The following C12orf42 variants were observed in gnomAD, a reference collection of about 807,000 sequenced individuals.
C12orf42 encodes uncharacterized protein C12orf42.
A neutral mutation model predicts 21.6 loss-of-function variants in C12orf42; 25 were observed. The observed-to-expected ratio is 1.16, with a 90% CI of 0.84 to 1.62. C12orf42 has a LOEUF of 1.62. Ranked by LOEUF, C12orf42 falls within the 40% of genes most tolerant of loss-of-function variation. The pLI is 0.00. For missense variants in C12orf42, 483 were observed against 459.3 expected (o/e 1.05, Z -0.47); for synonymous variants, 174 against 175.0 (o/e 0.99, Z 0.05).
chr12:103,264,889 T>A (rs2035086584), downstream of C12orf42, among the ~76,000 whole-genome samples: 1 of 152,140 alleles, frequency 6.6e-6, no homozygotes, highest in Admixed American at 6.5e-5. Flanking sequence ...CCTATGAGAA[T>A]GGCCCCAAGC....
chr12:103,322,987 A>G (rs889186163), intron 4 of C12orf42, among the ~76,000 whole-genome samples: 1 of 152,144 alleles, frequency 6.6e-6, no homozygotes, highest in African/African-American at 2.4e-5. Flanking sequence ...GTTCCATTCT[A>G]TTTGTTCCAT....
the C12orf42 span, among the ~76,000 whole-genome samples, chr12:103,524,532 C>G: frequency 2.0e-5 from 3 of 152,200 alleles, no homozygotes; most frequent in African/African-American, 7.2e-5. Context: ...TCTAAAATAT[C>G]ACCAGGGAAC....
intron 10 of C12orf42, among the ~76,000 whole-genome samples, chr12:103,256,497 C>G (rs905015034): frequency 1.7e-4 from 26 of 151,332 alleles, no homozygotes; most frequent in African/African-American, 6.3e-4. Context: ...TCAAATGGTG[C>G]CATGTCTAAA....
At chr12:103,331,750 A>G (rs2041256390) in intron 4 of C12orf42, among the ~76,000 whole-genome samples, 4 of 152,184 alleles carry the variant, frequency 2.6e-5, no homozygotes, top group Admixed American at 2.6e-4. Context: ...CGGACACAGG[A>G]CACCTCTCAG....
intron 4 of C12orf42, among the ~76,000 whole-genome samples, chr12:103,345,590 T>C (rs936080981): frequency 2.2e-4 from 33 of 152,204 alleles, no homozygotes; most frequent in Admixed American, 5.2e-4. Flanking sequence ...ATTTTGCTGA[T>C]ATTCCTATTA....
At chr12:103,240,265 A>G (rs1009139980) in intron 10 of C12orf42, among the ~76,000 whole-genome samples, 1 of 152,202 alleles carries the variant, frequency 6.6e-6, no homozygotes, top group Non-Finnish European at 1.5e-5. Context: ...TATAGTCCAG[A>G]CATCAAGCGA....
At chr12:103,508,207 C>CA in the C12orf42 span, among the ~76,000 whole-genome samples, 1 of 151,782 alleles carries the variant, frequency 6.6e-6, no homozygotes, top group African/African-American at 2.4e-5. Context: ...ACTTATGAAA[C>CA]AAAAAAGGTT....
At chr12:103,354,301 T>G (rs1240453932) in intron 4 of C12orf42, among the ~76,000 whole-genome samples, 1 of 152,132 alleles carries the variant, frequency 6.6e-6, no homozygotes, top group Non-Finnish European at 1.5e-5. Context: ...TAGGGAGAAT[T>G]ACGGCTTCCA....
chr12:103,308,797 G>A (rs1050478058), intron 4 of C12orf42, among the ~76,000 whole-genome samples: 1 of 152,312 alleles, frequency 6.6e-6, no homozygotes, highest in African/African-American at 2.4e-5. Context: ...TCTTTGCAAA[G>A]ATAATTAAGC....
chr12:103,081,043 T>C, the C12orf42 span: 3 of 152,334 alleles, frequency 2.0e-5, no homozygotes, highest in Admixed American at 6.5e-5. Flanking sequence ...GATTACTACG[T>C]CTTAAGCATT....
chr12:103,475,913 G>A (rs1455502093), intron 2 of C12orf42, among the ~76,000 whole-genome samples: 1 of 152,166 alleles, frequency 6.6e-6, no homozygotes, highest in Non-Finnish European at 1.5e-5. Context: ...GCTGTGGGTA[G>A]CCACCTTTAT....
the C12orf42 span, among the ~76,000 whole-genome samples, chr12:103,127,782 C>T: frequency 1.3e-5 from 2 of 152,236 alleles, no homozygotes; most frequent in East Asian, 3.9e-4. Context: ...AGTTAAGAAA[C>T]CTTGATACAT....
At chr12:103,463,923 C>T (rs1592924168) in intron 2 of C12orf42, among the ~76,000 whole-genome samples, 1 of 152,162 alleles carries the variant, frequency 6.6e-6, no homozygotes, top group Non-Finnish European at 1.5e-5. Flanking sequence ...TTTGTGGCTG[C>T]ATAGTATTCC....
At chr12:103,078,408 TAATTCCAG>T in the C12orf42 span, among the ~76,000 whole-genome samples, 2 of 152,226 alleles carry the variant, frequency 1.3e-5, no homozygotes, top group African/African-American at 4.8e-5. Context: ...TGCAAACATA[TAATTCCAG>T]AATTTTAGAA....
the C12orf42 span, among the ~76,000 whole-genome samples, chr12:103,503,087 T>C: frequency 6.6e-6 from 1 of 152,204 alleles, no homozygotes. Flanking sequence ...AGAACAGTTA[T>C]GATCATACAA....
the C12orf42 span, among the ~76,000 whole-genome samples, chr12:103,551,379 T>C: frequency 1.3e-5 from 2 of 152,300 alleles, no homozygotes; most frequent in South Asian, 2.1e-4. Flanking sequence ...TGGTTGAGCA[T>C]GGTGGTACAC....
the C12orf42 span, among the ~76,000 whole-genome samples, chr12:103,545,794 TC>T: frequency 1.3e-5 from 2 of 152,156 alleles, no homozygotes; most frequent in Non-Finnish European, 2.9e-5. Flanking sequence ...GCTGCATCAT[TC>T]TATATTCCAC....
the C12orf42 span, among the ~76,000 whole-genome samples, chr12:103,230,763 G>A: frequency 6.6e-6 from 1 of 152,052 alleles, no homozygotes; most frequent in Non-Finnish European, 1.5e-5. Context: ...CTTTTACTTT[G>A]TTGATTCTCT....
chr12:103,497,760 G>A (rs796825673), upstream of C12orf42, among the ~76,000 whole-genome samples: 1 of 152,168 alleles, frequency 6.6e-6, no homozygotes, highest in Non-Finnish European at 1.5e-5. Context: ...GGCTGGGCAC[G>A]GTGGCTCACG....
Sources: allele counts gnomAD v4.1 joint callset (sites outside exome capture counted in the v4.1 genomes callset), GRCh38; gene constraint gnomAD v4.1.1; transcripts MANE v1.5; gene names NCBI Gene and HGNC (gene_info 2026-07-23, HGNC 2026-07-21).